Variants in CEP250 observed in about 807,000 individuals in gnomAD.
CEP250 encodes the protein centrosome-associated protein CEP250.
CEP250 carries 242 observed loss-of-function variants against 315.7 expected under a neutral mutation model. The ratio of observed to expected loss-of-function variants is 0.77; its 90% CI spans 0.69 to 0.85. The LOEUF (loss-of-function observed/expected upper bound fraction) is 0.85, where lower values mean the gene tolerates loss of function less well. Among genes scored for constraint, CEP250 ranks in the 40% least tolerant of loss-of-function variants. CEP250 has a pLI of 0.00. For missense variants in CEP250, 2,515 were observed against 2,886.4 expected, an observed-to-expected ratio of 0.87 and a Z score of 2.95; for synonymous variants, 1,088 against 1,175.0, an observed-to-expected ratio of 0.93 and a Z score of 1.51.
At chr20:35,500,473 T>A (rs2063972174) in intron 28 of CEP250, among the ~76,000 whole-genome samples, 1 of 152,206 alleles carries the variant, frequency 6.6e-6, no homozygotes, top group Non-Finnish European at 1.5e-5. Flanking sequence ...CTCTAGGAGC[T>A]CCTGCACAAT....
chr20:35,474,064 T>G lies in CEP250; in HGVS notation c.1571+12T>G. ...GAGAGGGAGCGTCTGTAAGTGAGAC[T>G]AGTCTCCTCCTCGCTGGGCCCTGGT... On this transcript the variant is annotated intron_variant, in intron 14 of 34. Transcript: ENST00000397527. 6.6e-7 allele frequency: 1 copy of G among 1,517,486 alleles called. No individual in the cohort carries two copies. 94.0% of individuals were successfully genotyped at this position (1,517,486 alleles called of 1,614,324 possible).
chr20:35,512,031 T>C lies in CEP250; in HGVS notation c.*405T>C. ...GGTGGCAGCACCACATCAAGGGAGT[T>C]TATCTGGGAAGAACTTGCCAAAGAT... On this transcript the variant is annotated 3_prime_UTR_variant, in exon 35 of 35. Transcript: ENST00000397527. 1 of 1,024,304 alleles carries C rather than the reference T, an allele frequency of 9.8e-7. No individual in the cohort carries two copies. The highest frequency in any genetic ancestry group is 4.1e-5 in the South Asian group (1 of 24,200). 63.5% of individuals were successfully genotyped at this position (1,024,304 alleles called of 1,614,324 possible).
intron 30 of CEP250, among the ~76,000 whole-genome samples, chr20:35,506,428 A>AC (rs1318137738): frequency 6.6e-6 from 1 of 152,090 alleles, no homozygotes; most frequent in Non-Finnish European, 1.5e-5. Context: ...TCACCTTTGT[A>AC]CCCCCGGTAC....
intron 20 of CEP250, among the ~76,000 whole-genome samples, chr20:35,489,982 C>T (rs2063638352): frequency 6.6e-6 from 1 of 152,084 alleles, no homozygotes; most frequent in African/African-American, 2.4e-5. Flanking sequence ...AGTTCGAGTC[C>T]AGCCTGGGCA....
Position 35,517,103 on chromosome 20 carries a change from C to A in CEP250, c.*5477C>A. 1 of 790,056 alleles carries A rather than the reference C, an allele frequency of 1.3e-6. No individual in the cohort carries two copies. Among genetic ancestry groups the A allele is most frequent in the Non-Finnish European group, 1.5e-6 (1 of 651,574 alleles). The allele number at this position is 790,056 out of a possible 1,614,324, so 48.9% of individuals were successfully genotyped here. ...GGCCTCCATCCCTTCCTCAACCGTC[C>A]GCAGAACACCTCCTTCCAGCACCTT... On this transcript the variant is annotated 3_prime_UTR_variant, in exon 35 of 35. Transcript: ENST00000397527.
intron 25 of CEP250, among the ~76,000 whole-genome samples, 165 bp from the exon 26 acceptor site, chr20:35,497,554 G>T (rs1287079595): frequency 6.6e-6 from 1 of 152,138 alleles, no homozygotes; most frequent in Non-Finnish European, 1.5e-5. Context: ...GTTAGATCTA[G>T]GGTAACACTC....
At chr20:35,478,727 A>G (rs1335578136) in intron 17 of CEP250, among the ~76,000 whole-genome samples, 1 of 152,182 alleles carries the variant, frequency 6.6e-6, no homozygotes, top group Non-Finnish European at 1.5e-5. Flanking sequence ...ATTAGACCAA[A>G]AGCTCCTTGA....
chr20:35,493,308 A>G lies in CEP250; in HGVS notation c.2890-121A>G. On this transcript the variant is annotated intron_variant, in intron 22 of 34. Transcript: ENST00000397527. ...GGAGGAGAGGGACTAGGAAGTGAGAAGGTGAGGTGGAAACAATGTGGATTG... is the reference window on the plus strand; with the variant it reads ...GGAGGAGAGGGACTAGGAAGTGAGAGGGTGAGGTGGAAACAATGTGGATTG... The G allele has an allele frequency of 4.4e-6, 4 of 902,200 alleles. No individual in the cohort carries two copies. In the South Asian group the frequency reaches 8.0e-5, roughly 18 times the overall value. The allele number at this position is 902,200 out of a possible 1,614,324, so 55.9% of individuals were successfully genotyped here.
rs1223276985 is a variant in CEP250, at chr20:35,511,753, G to GATTTAC, written c.*127_*128insATTTAC. On this transcript the variant is annotated 3_prime_UTR_variant, in exon 35 of 35. Transcript: ENST00000397527. ...ACCCAGGAGCCCCAGGTCGGCGGGT[G>GATTTAC]TTCCCAGGAAGAGGAAGTAAATCTG... 3 of 1,433,064 alleles carry GATTTAC rather than the reference G, an allele frequency of 2.1e-6. No homozygotes were observed. In the African/African-American group the frequency reaches 4.3e-5, roughly 21 times the overall value. The allele number at this position is 1,433,064 out of a possible 1,614,324, so 88.8% of individuals were successfully genotyped here.
chr20:35,507,869 G>A lies in CEP250; in HGVS notation c.6750+18G>A. The A allele has an allele frequency of 6.2e-7, 1 of 1,608,588 alleles. No homozygotes were observed. On this transcript the variant is annotated intron_variant, in intron 31 of 34. Coordinates refer to ENST00000397527, the MANE Select transcript of CEP250 (RefSeq NM_007186.6). ...TGGGAGAGGTGAGCTGGGGGCTCTGGGGGAACAGGTGACCCAGCAGGGAGC... is the reference window on the plus strand; with the variant it reads ...TGGGAGAGGTGAGCTGGGGGCTCTGAGGGAACAGGTGACCCAGCAGGGAGC...
Position 35,503,530 on chromosome 20 carries a change from C to A in CEP250, c.5161C>A (p.Arg1721Ser). The change falls in exon 30 of 35, where the codon CGC becomes AGC. Residue 1721 changes from arginine to serine, a missense_variant. Transcript: ENST00000397527. This position sits in a 1 kb window ranked among gnomAD's most constrained non-coding sequence, Gnocchi z 4.2. The stretch of plus-strand genomic sequence containing the variant: ...AGGGAAGGGCCCAAGTAAAGCACAG[C>A]GCGGGAGCCTAGAGCACATGAAGCT... ...EEGKGPSKAQ[R>S]GSLEHMKLIL... The A allele has an allele frequency of 1.2e-6, 2 of 1,613,978 alleles. No homozygotes were observed. Among genetic ancestry groups the A allele is most frequent in the Non-Finnish European group, 1.7e-6 (2 of 1,180,006 alleles).
chr20:35,509,902 G>A, intron 33 of CEP250, 96 bp from the exon 34 acceptor site: 1 of 1,124,500 alleles, frequency 8.9e-7, no homozygotes, highest in Non-Finnish European at 1.4e-6. Context: ...CCCTTGCCCA[G>A]GCCCCTAAGA....
chr20:35,479,453 A>G, intron 18 of CEP250, 29 bp downstream of exon 18: 4 of 1,596,324 alleles, frequency 2.5e-6, no homozygotes, highest in Non-Finnish European at 3.4e-6. Flanking sequence ...TCAGCCAAGC[A>G]CAGAGAGAGC....
rs574814914 is a variant in CEP250, at chr20:35,465,914, A to G, written c.326+89A>G. 2.4e-3 allele frequency: 3,579 copies of G among 1,519,504 alleles called. 8 individuals are homozygous for G. The highest frequency in any genetic ancestry group is 2.9e-3 in the Non-Finnish European group (3,180 of 1,115,662). 94.1% of individuals were successfully genotyped at this position (1,519,504 alleles called of 1,614,324 possible). A position where few individuals can be genotyped will look rare whatever the true frequency, so the allele number is the denominator to read the frequency against. ...ACTTCTGCCCTGAGGGCTAATGTGG[A>G]CTTCAGCCATAGCCCTCTAATTCCT... is the stretch of plus-strand genomic sequence containing the variant. On this transcript the variant is annotated intron_variant, in intron 6 of 34. Transcript: ENST00000397527.
In CEP250 at chr20:35,478,117, G is replaced by T; in HGVS notation, c.2094+16G>T. 6.5e-7 allele frequency: 1 copy of T among 1,527,464 alleles called. No homozygotes were observed. The highest frequency in any genetic ancestry group is 1.1e-5 in the South Asian group (1 of 88,656). 94.6% of individuals were successfully genotyped at this position (1,527,464 alleles called of 1,614,324 possible). A position where few individuals can be genotyped will look rare whatever the true frequency, so the allele number is the denominator to read the frequency against. ...ACTAAGTGAGGTGAGAAGCCAAAAT[G>T]GACACCATCATGTCTAGGTGTAATA... is the stretch of plus-strand genomic sequence containing the variant. On this transcript the variant is annotated intron_variant, in intron 17 of 34. Transcript: ENST00000397527.
chr20:35,478,962 T>C (rs1042738787), intron 17 of CEP250, among the ~76,000 whole-genome samples: 1 of 152,204 alleles, frequency 6.6e-6, no homozygotes, highest in African/African-American at 2.4e-5. Flanking sequence ...GTATTATGTG[T>C]GCATCTTCTC....
In CEP250 at chr20:35,462,559, G is replaced by A. The variant is rs1305600841; in HGVS notation, c.186+6G>A. ...TGAGGAAGCTGCAGGCCAAGGTGAG[G>A]CAGCTGCCCTTTTGGGGAGGGGAAA... On this transcript the variant is annotated splice_donor_region_variant and intron_variant, in intron 4 of 34. Coordinates refer to ENST00000397527, the MANE Select transcript of CEP250 (RefSeq NM_007186.6). The A allele has an allele frequency of 6.3e-7, 1 of 1,591,166 alleles. No individual in the cohort carries two copies.
At chr20:35,498,149 G>T in intron 26 of CEP250, 82 bp downstream of exon 26, 1 of 1,033,072 alleles carries the variant, frequency 9.7e-7, no homozygotes, top group African/African-American at 1.6e-5. Context: ...AATGCTATTT[G>T]TTAGACCATA....
At position 35,504,534 on chromosome 20, in the gene CEP250, G is replaced by T. The variant is rs748236734; in HGVS notation, c.6165G>T (p.Gln2055His). ...GGGATGAAGAGCTGAGACATCAGCAGGAACGGGAGCAGCTGCTGGAGAAGT... is the reference window on the plus strand; with the variant it reads ...GGGATGAAGAGCTGAGACATCAGCATGAACGGGAGCAGCTGCTGGAGAAGT... ...AQRDEELRHQ[Q>H]EREQLLEKSL... is the part of the protein sequence containing the mutation. The change falls in exon 30 of 35, where the codon CAG (glutamine) becomes CAT (histidine). Residue 2055 changes from glutamine to histidine, a missense_variant. Gln to His is a conservative substitution (Grantham distance 24). Transcript: ENST00000397527. 6.2e-7 allele frequency: 1 copy of T among 1,614,054 alleles called. No homozygotes were observed. Among genetic ancestry groups the T allele is most frequent in the South Asian group, 1.1e-5 (1 of 91,070 alleles).
Sources: gnomAD v4.1 joint callset for allele counts (sites outside exome capture counted in the v4.1 genomes callset) on GRCh38, gnomAD v4.1.1 for gene constraint, Gnocchi (gnomAD v3.1) non-coding constraint, MANE v1.5 for transcripts, NCBI Gene and HGNC (gene_info 2026-07-23, HGNC 2026-07-21) for gene names.